DCX: variants seen among roughly 807,000 people sequenced by gnomAD.
DCX encodes doublecortin.
Under a neutral mutation model 20.9 loss-of-function variants are expected in DCX, and 4 were observed. The observed-to-expected ratio is 0.19, with a 90% CI of 0.09 to 0.44. DCX has a LOEUF of 0.44. Ranked by LOEUF, DCX falls within the 20% of genes least tolerant of loss-of-function variation. DCX has a pLI of 0.99. For missense variants in DCX, 133 were observed against 296.9 expected (o/e 0.45, Z 4.06); for synonymous variants, 103 against 111.4 (o/e 0.92, Z 0.47).
chrX:111,396,173 C>G (rs1364387356), intron 3 of DCX, among the ~76,000 whole-genome samples: 1 of 112,125 alleles, frequency 8.9e-6, no homozygotes, highest in Non-Finnish European at 1.9e-5. Flanking sequence ...TCAACCATTT[C>G]CTTAAAACCC....
chrX:111,380,796 A>G (rs1925907698), intron 3 of DCX, among the ~76,000 whole-genome samples: 1 of 111,287 alleles, frequency 9.0e-6, no homozygotes, highest in South Asian at 3.7e-4. Context: ...CTGGTTTATA[A>G]TATCAGCCTG....
At chrX:111,409,824 A>G (rs913228412) in intron 2 of DCX, among the ~76,000 whole-genome samples, 1 of 112,177 alleles carries the variant, frequency 8.9e-6, no homozygotes, top group Non-Finnish European at 1.9e-5. Context: ...ACAATGCATG[A>G]TCACCACCAT....
chrX:111,340,727 G>A (rs768338834), intron 3 of DCX, among the ~76,000 whole-genome samples: 69 of 111,162 alleles, frequency 6.2e-4, no homozygotes, highest in South Asian at 1.9e-3. Flanking sequence ...GGCATGGAGT[G>A]AATCAGATGA....
At chrX:111,364,622 T>C (rs1253328775) in intron 3 of DCX, among the ~76,000 whole-genome samples, 4 of 112,018 alleles carry the variant, frequency 3.6e-5, no homozygotes, top group African/African-American at 9.7e-5. Context: ...GTGTACAATA[T>C]ACCATTTTTT....
At chrX:111,357,452 A>G (rs1169730398) in intron 3 of DCX, among the ~76,000 whole-genome samples, 1 of 111,710 alleles carries the variant, frequency 9.0e-6, no homozygotes, top group African/African-American at 3.3e-5. Context: ...CTTCATTTCA[A>G]TGAGAGGAAT....
At chrX:111,365,311 T>C (rs1038301013) in intron 3 of DCX, among the ~76,000 whole-genome samples, 3 of 109,658 alleles carry the variant, frequency 2.7e-5, no homozygotes, top group African/African-American at 9.9e-5. Context: ...TATATTAAAA[T>C]TTTGTGTGTG....
chrX:111,306,770 C>T (rs186795720), intron 6 of DCX, among the ~76,000 whole-genome samples: 3 of 111,283 alleles, frequency 2.7e-5, no homozygotes, highest in African/African-American at 9.8e-5. Context: ...GAAAGATATT[C>T]AGGAAATTCA....
At chrX:111,338,737 G>T in intron 3 of DCX, among the ~76,000 whole-genome samples, 1 of 103,656 alleles carries the variant, frequency 9.6e-6, no homozygotes, top group Admixed American at 1.1e-4. Context: ...TCAATGCCCT[G>T]AACTTCCCTA....
At chrX:111,359,117 G>GA (rs200308214) in intron 3 of DCX, among the ~76,000 whole-genome samples, 41 of 108,040 alleles carry the variant, frequency 3.8e-4, no homozygotes, top group East Asian at 8.6e-4. Context: ...ATAACATTTT[G>GA]AAAAAAAAAT....
intron 4 of DCX, 73 bp from the exon 5 acceptor site, chrX:111,331,114 G>A (rs779309456): frequency 5.5e-5 from 62 of 1,128,297 alleles, no homozygotes; most frequent in Admixed American, 4.6e-4. Context: ...TCTGGAAACC[G>A]CAATAACCAT....
At chrX:111,317,572 T>C (rs1603413472) in intron 5 of DCX, among the ~76,000 whole-genome samples, 1 of 110,728 alleles carries the variant, frequency 9.0e-6, no homozygotes, top group Admixed American at 9.5e-5. Context: ...AGGATCTAAT[T>C]AAACTAAAGA....
At chrX:111,374,206 G>C (rs904551430) in intron 3 of DCX, among the ~76,000 whole-genome samples, 1 of 111,732 alleles carries the variant, frequency 8.9e-6, no homozygotes. Context: ...GAACCCCAAA[G>C]GAAGTGAAGT....
intron 1 of DCX, chrX:111,410,649 G>A (rs1202674054): frequency 1.2e-5 from 11 of 913,044 alleles, no homozygotes; most frequent in Non-Finnish European, 1.7e-5. Context: ...GGTGCTGGTG[G>A]TTGTGGGGGT....
chrX:111,396,019 A>G (rs924443143), intron 3 of DCX, among the ~76,000 whole-genome samples: 1 of 112,468 alleles, frequency 8.9e-6, no homozygotes, highest in Non-Finnish European at 1.9e-5. Flanking sequence ...GTTAAATCCA[A>G]TCTGTCTTGC....
chrX:111,352,837 CAGAG>C (rs768081351), intron 3 of DCX, among the ~76,000 whole-genome samples: 20,563 of 89,666 alleles, frequency 0.23, 2,127 homozygotes, highest in Non-Finnish European at 0.3. Context: ...GACAGACAGA[CAGAG>C]AGAGAGAGAG....
intron 3 of DCX, among the ~76,000 whole-genome samples, chrX:111,356,399 T>C (rs1202758439): frequency 8.9e-6 from 1 of 112,838 alleles, no homozygotes; most frequent in East Asian, 2.8e-4. Context: ...AGCAGACCAA[T>C]CTGCTGTCCC....
At chrX:111,362,245 G>A (rs1033135246) in intron 3 of DCX, among the ~76,000 whole-genome samples, 1 of 111,288 alleles carries the variant, frequency 9.0e-6, no homozygotes, top group Non-Finnish European at 1.9e-5. Flanking sequence ...AGCTTGAGTC[G>A]AAGTTTCCTC....
At chrX:111,328,936 A>G (rs909391255) in intron 5 of DCX, among the ~76,000 whole-genome samples, 2 of 111,223 alleles carry the variant, frequency 1.8e-5, no homozygotes, top group African/African-American at 6.5e-5. Context: ...AAACTGTGAG[A>G]TAAAAAAAAA....
intron 3 of DCX, among the ~76,000 whole-genome samples, chrX:111,370,369 C>T (rs1173784841): frequency 9.0e-6 from 1 of 111,679 alleles, no homozygotes; most frequent in Non-Finnish European, 1.9e-5. Context: ...TGAGCATCAC[C>T]TAAAGGCTTG....
Sources: gnomAD v4.1 joint callset for allele counts (sites outside exome capture counted in the v4.1 genomes callset) on GRCh38, gnomAD v4.1.1 for gene constraint, MANE v1.5 for transcripts, NCBI Gene and HGNC (gene_info 2026-07-23, HGNC 2026-07-21) for gene names.